The following CSMD1 variants were observed in gnomAD, a reference collection of about 807,000 sequenced individuals.
CSMD1 encodes CUB and Sushi multiple domains 1.
In CSMD1, 213 loss-of-function variants were observed where a neutral mutation model predicts 417.5. The ratio of observed to expected loss-of-function variants is 0.51; its 90% CI spans 0.46 to 0.57. The LOEUF (loss-of-function observed/expected upper bound fraction) is 0.57, where lower values mean the gene tolerates loss of function less well. CSMD1 is among the 20% of genes least tolerant of loss of function. The pLI, the probability that CSMD1 is intolerant of heterozygous loss-of-function variation, is 0.00. For missense variants in CSMD1, 6,923 were observed against 4,529.7 expected (o/e 1.53, Z -15.17); for synonymous variants, 2,862 against 1,736.8 (o/e 1.65, Z -16.11).
chr8:4,543,464 GAATT>G (rs899364605), intron 2 of CSMD1, among the ~76,000 whole-genome samples: 2 of 152,132 alleles, frequency 1.3e-5, no homozygotes, highest in African/African-American at 4.8e-5. Context: ...GCCCTTGCAT[GAATT>G]AATTGTTTCC....
chr8:3,081,559 T>G (rs1353848890), intron 49 of CSMD1, among the ~76,000 whole-genome samples: 4 of 152,254 alleles, frequency 2.6e-5, no homozygotes, highest in Non-Finnish European at 5.9e-5. Context: ...TTAAAATATT[T>G]TAACATTTGC....
At chr8:4,540,451 C>A (rs1462285714) in intron 2 of CSMD1, among the ~76,000 whole-genome samples, 1 of 152,164 alleles carries the variant, frequency 6.6e-6, no homozygotes, top group African/African-American at 2.4e-5. Context: ...GCCTGTAATT[C>A]CAGGACTTAG....
chr8:3,716,798 T>C (rs956070354), intron 6 of CSMD1, among the ~76,000 whole-genome samples: 1 of 152,160 alleles, frequency 6.6e-6, no homozygotes, highest in Non-Finnish European at 1.5e-5. Context: ...TTTAACTCTG[T>C]TGGTCACTTA....
chr8:3,583,082 G>C (rs1050533816), intron 9 of CSMD1, among the ~76,000 whole-genome samples: 3 of 152,116 alleles, frequency 2.0e-5, no homozygotes, highest in Non-Finnish European at 2.9e-5. Context: ...CAGCAGCTTT[G>C]ACCTCTTCCT....
chr8:3,783,374 G>C lies in CSMD1; in HGVS notation c.819-29332C>G, dbSNP rs7013300. ...TCTGTGAGCAAAGCACCAGGAAGCA[G>C]TCACATGCCCCTGGGGTGACCCACG... is the stretch of plus-strand genomic sequence containing the variant. On this transcript the variant is annotated intron_variant, in intron 5 of 69. Coordinates refer to ENST00000635120, the MANE Select transcript of CSMD1 (RefSeq NM_033225.6). Among the ~76,000 whole-genome samples, 1,479 of 152,352 alleles carry C rather than the reference G, an allele frequency of 9.7e-3. 19 individuals are homozygous for C. Among genetic ancestry groups the C allele is most frequent in the Non-Finnish European group, 0.016 (1,089 of 68,038 alleles).
intron 7 of CSMD1, among the ~76,000 whole-genome samples, chr8:3,684,353 G>C (rs941709663): frequency 1.4e-5 from 2 of 143,396 alleles, no homozygotes; most frequent in Non-Finnish European, 3.0e-5. Flanking sequence ...AAACATACAA[G>C]CATGTTGTAT....
chr8:3,436,342 G>C (rs1268962537), intron 12 of CSMD1, among the ~76,000 whole-genome samples: 1 of 152,144 alleles, frequency 6.6e-6, no homozygotes, highest in Admixed American at 6.6e-5. Context: ...CATGAGACAG[G>C]TTATATATTA....
intron 3 of CSMD1, among the ~76,000 whole-genome samples, chr8:4,328,596 G>C (rs143673539): frequency 2.0e-5 from 3 of 151,934 alleles, no homozygotes; most frequent in Non-Finnish European, 2.9e-5. Context: ...AATTAAAAAT[G>C]AAGTCATTTT....
chr8:4,331,490 T>A (rs192959139), intron 3 of CSMD1, among the ~76,000 whole-genome samples: 1 of 152,276 alleles, frequency 6.6e-6, no homozygotes, highest in East Asian at 1.9e-4. Flanking sequence ...TTGGGTTTTG[T>A]AATTCAAACA....
At chr8:4,526,021 A>G (rs1796495644) in intron 2 of CSMD1, among the ~76,000 whole-genome samples, 1 of 152,116 alleles carries the variant, frequency 6.6e-6, no homozygotes, top group African/African-American at 2.4e-5. Flanking sequence ...TCAGCTCTAG[A>G]AGGAGTGGAG....
Position 4,465,534 on chromosome 8 carries a change from C to G in CSMD1, c.303-45469G>C, listed in dbSNP as rs149985692. On this transcript the variant is annotated intron_variant, in intron 2 of 69. Coordinates refer to ENST00000635120, the MANE Select transcript of CSMD1 (RefSeq NM_033225.6). ...GTGGGGGATATGGAAGCACATACAA[C>G]TCCACTCTCAGAATGGAAGTCAAGT... is the stretch of plus-strand genomic sequence containing the variant. Among the ~76,000 whole-genome samples the G allele has an allele frequency of 2.6e-5, 4 of 152,286 alleles. No individual in the cohort carries two copies. The East Asian group carries it at 7.7e-4, about 29-fold the overall frequency.
At chr8:3,025,183 C>T (rs917032664) in intron 51 of CSMD1, among the ~76,000 whole-genome samples, 473 of 76,136 alleles carry the variant, frequency 6.2e-3, no homozygotes, top group African/African-American at 7.0e-3. Flanking sequence ...ATTCTGATAC[C>T]GTGTATTGTG....
chr8:4,416,917 T>TA, intron 3 of CSMD1, among the ~76,000 whole-genome samples: 1 of 152,088 alleles, frequency 6.6e-6, no homozygotes, highest in East Asian at 1.9e-4. Flanking sequence ...GGAATTTTAA[T>TA]AGTAATCTTA....
intron 3 of CSMD1, among the ~76,000 whole-genome samples, chr8:4,214,648 G>A (rs193104650): frequency 7.9e-5 from 12 of 152,196 alleles, no homozygotes; most frequent in East Asian, 1.9e-4. Flanking sequence ...TTGCATGCAC[G>A]TGTATGTGTG....
intron 3 of CSMD1, among the ~76,000 whole-genome samples, chr8:4,049,549 T>C (rs987691830): frequency 2.6e-5 from 4 of 152,098 alleles, no homozygotes; most frequent in Non-Finnish European, 5.9e-5. Context: ...ACCTCTTACC[T>C]GACTTCTAGA....
At chr8:4,288,512 C>A (rs1399725017) in intron 3 of CSMD1, among the ~76,000 whole-genome samples, 1 of 152,136 alleles carries the variant, frequency 6.6e-6, no homozygotes, top group Admixed American at 6.5e-5. Flanking sequence ...TTAGGTTTAC[C>A]CAGTAGTAGC....
chr8:4,709,301 C>A (rs897391987), intron 1 of CSMD1, among the ~76,000 whole-genome samples: 2 of 152,104 alleles, frequency 1.3e-5, no homozygotes. Flanking sequence ...GAAGGAGGTG[C>A]TGAACTATGG....
chr8:3,100,854 A>G (rs1257054243), intron 46 of CSMD1, among the ~76,000 whole-genome samples: 2 of 152,124 alleles, frequency 1.3e-5, no homozygotes, highest in African/African-American at 4.8e-5. Context: ...TAGGTATGAC[A>G]GAATTGGAGA....
At chr8:2,963,592 T>A (rs575170650) in intron 59 of CSMD1, among the ~76,000 whole-genome samples, 197 bp from the exon 60 acceptor site, 2 of 152,222 alleles carry the variant, frequency 1.3e-5, no homozygotes, top group African/African-American at 4.8e-5. Flanking sequence ...TCTTCATTAA[T>A]ATCGATGAAG....
Sources: allele counts gnomAD v4.1 joint callset (sites outside exome capture counted in the v4.1 genomes callset), GRCh38; gene constraint gnomAD v4.1.1; transcripts MANE v1.5; gene names NCBI Gene and HGNC (gene_info 2026-07-23, HGNC 2026-07-21).